FBXL20: variants seen among roughly 807,000 people sequenced by gnomAD.
FBXL20 encodes F-box/LRR-repeat protein 20.
A neutral mutation model predicts 64.0 loss-of-function variants in FBXL20; 11 were observed. The observed-to-expected ratio is 0.17, with a 90% CI of 0.11 to 0.28. FBXL20 has a LOEUF of 0.28. FBXL20 is among the 10% of genes least tolerant of loss of function. FBXL20 has a pLI of 1.00. For missense variants in FBXL20, 303 were observed against 526.2 expected (o/e 0.58, Z 4.15); for synonymous variants, 184 against 189.0 (o/e 0.97, Z 0.22).
At chr17:39,401,645 CA>C (rs1162146502), upstream of FBXL20, 10 of 1,355,654 alleles carry the variant, frequency 7.4e-6, no homozygotes, top group Non-Finnish European at 8.5e-6. Flanking sequence ...AACTTCAACC[CA>C]AAACAAAAAC....
chr17:39,336,858 G>A (rs2047527078), intron 2 of FBXL20, among the ~76,000 whole-genome samples: 1 of 151,378 alleles, frequency 6.6e-6, no homozygotes, highest in African/African-American at 2.4e-5. Flanking sequence ...AAAGTAGAAA[G>A]AATTGAGCAG....
chr17:39,325,529 TGA>T (rs1284113102), intron 2 of FBXL20, among the ~76,000 whole-genome samples: 1 of 152,102 alleles, frequency 6.6e-6, no homozygotes, highest in African/African-American at 2.4e-5. Context: ...GAGAGGGGAA[TGA>T]CAATTTCTAG....
chr17:39,392,859 TA>T (rs1011436666), intron 1 of FBXL20, among the ~76,000 whole-genome samples: 4 of 148,752 alleles, frequency 2.7e-5, no homozygotes, highest in African/African-American at 5.0e-5. Flanking sequence ...CAAAAAAATG[TA>T]AAATTTGCCG....
At chr17:39,354,282 A>C (rs533532212) in intron 1 of FBXL20, among the ~76,000 whole-genome samples, 18 of 152,356 alleles carry the variant, frequency 1.2e-4, no homozygotes, top group Admixed American at 6.5e-4. Context: ...GCTTCTCCTC[A>C]AACAAGCTCT....
chr17:39,293,337 T>G (rs2047057595), intron 6 of FBXL20, among the ~76,000 whole-genome samples: 1 of 151,910 alleles, frequency 6.6e-6, no homozygotes, highest in Admixed American at 6.6e-5. Flanking sequence ...TTCTTCTGCC[T>G]CAGCCTTCCA....
At chr17:39,275,413 A>ATT (rs1206133690) in intron 9 of FBXL20, among the ~76,000 whole-genome samples, 1 of 151,826 alleles carries the variant, frequency 6.6e-6, no homozygotes, top group Non-Finnish European at 1.5e-5. Flanking sequence ...TTATTTATTT[A>ATT]TTTATTTATT....
chr17:39,285,568 C>T lies in FBXL20; in HGVS notation c.404G>A (p.Cys135Tyr). Residue 135 changes from cysteine to tyrosine, a missense_variant, in exon 7 of 15, where the codon TGT becomes TAT. Around this residue, in one of 3 missense-constraint regions of FBXL20, gnomAD observed 246 missense variants for 422.6 expected, o/e 0.58. Transcript: ENST00000264658. ...GGAACAGAACTTGCTAAGGCTAGTA[C>T]ATGTACTGAAAAATGGAAAAAGGAG... is the stretch of plus-strand genomic sequence containing the variant. ...NGCTKTTDAT[C>Y]TSLSKFCSKL... 7 of 1,591,314 alleles carry T rather than the reference C, an allele frequency of 4.4e-6. No individual in the cohort carries two copies. The highest frequency in any genetic ancestry group is 5.1e-6 in the Non-Finnish European group (6 of 1,169,634).
Position 39,399,764 on chromosome 17 carries a change from G to A in FBXL20, c.42+1597C>T, listed in dbSNP as rs569534382. Among the ~76,000 whole-genome samples the A allele has an allele frequency of 4.6e-5, 7 of 152,112 alleles. No homozygotes were observed. In the South Asian group the frequency reaches 1.5e-3, roughly 32 times the overall value. ...ATAGTATGCCACCCCTACAGAGATT[G>A]TAAATTAAAGTATAAGATAATTATA... is the stretch of plus-strand genomic sequence containing the variant. On this transcript the variant is annotated intron_variant, in intron 1 of 14. Transcript: ENST00000264658.
At chr17:39,381,997 G>A (rs2048028346) in intron 1 of FBXL20, among the ~76,000 whole-genome samples, 1 of 150,486 alleles carries the variant, frequency 6.6e-6, no homozygotes, top group African/African-American at 2.4e-5. Context: ...AGGAAGCTGA[G>A]CAGGAGAATC....
At chr17:39,373,166 T>C (rs2047934884) in intron 1 of FBXL20, among the ~76,000 whole-genome samples, 1 of 152,148 alleles carries the variant, frequency 6.6e-6, no homozygotes, top group African/African-American at 2.4e-5. Context: ...TAGAGAGGAA[T>C]GCCTCTTCCC....
chr17:39,286,675 G>A (rs12951142), intron 6 of FBXL20, among the ~76,000 whole-genome samples: 23,493 of 151,766 alleles, frequency 0.15, 2,655 homozygotes, highest in African/African-American at 0.33. Context: ...GCACATGCCT[G>A]TAATCCCAGC....
intron 9 of FBXL20, among the ~76,000 whole-genome samples, chr17:39,279,098 C>T (rs1465426050): frequency 6.6e-6 from 1 of 151,910 alleles, no homozygotes; most frequent in Non-Finnish European, 1.5e-5. Flanking sequence ...GAGCCGAGAT[C>T]GCACCACTGC....
At position 39,286,206 on chromosome 17, in the gene FBXL20, C is replaced by T. The variant is rs541825042; in HGVS notation, c.399-633G>A. ...ACCCACATGTACCATCAGTAAACTT[C>T]AACATTTATCAATACTGTTTTTCTT... On this transcript the variant is annotated intron_variant, in intron 6 of 14. Coordinates refer to ENST00000264658, the MANE Select transcript of FBXL20 (RefSeq NM_032875.3). 4.6e-5 allele frequency among the ~76,000 whole-genome samples: 7 copies of T among 152,244 alleles called. No individual in the cohort carries two copies. The South Asian group carries it at 1.2e-3, about 27-fold the overall frequency.
At chr17:39,362,287 C>T (rs977390097) in intron 1 of FBXL20, among the ~76,000 whole-genome samples, 14 of 150,082 alleles carry the variant, frequency 9.3e-5, no homozygotes, top group African/African-American at 2.2e-4. Flanking sequence ...AGCGAGACTC[C>T]GTCTCAAAAA....
intron 1 of FBXL20, among the ~76,000 whole-genome samples, chr17:39,377,676 T>C (rs2047981234): frequency 1.3e-5 from 2 of 152,054 alleles, no homozygotes. Flanking sequence ...AATTTTTTTG[T>C]ATTTTTTAGT....
At chr17:39,399,696 A>T (rs2144694088) in intron 1 of FBXL20, among the ~76,000 whole-genome samples, 1 of 152,316 alleles carries the variant, frequency 6.6e-6, no homozygotes, top group Admixed American at 6.5e-5. Flanking sequence ...CAAGTTAAAA[A>T]GAAACCTCTT....
intron 2 of FBXL20, among the ~76,000 whole-genome samples, chr17:39,328,376 G>A (rs144881397): frequency 1.3e-5 from 2 of 151,996 alleles, no homozygotes; most frequent in Non-Finnish European, 2.9e-5. Context: ...GTGTAAGAAG[G>A]GTCTGAAACA....
intron 2 of FBXL20, among the ~76,000 whole-genome samples, chr17:39,336,129 G>A (rs2047519712): frequency 6.6e-6 from 1 of 151,988 alleles, no homozygotes; most frequent in Non-Finnish European, 1.5e-5. Context: ...GGGAGGGGAG[G>A]GGAAGGGAGG....
At chr17:39,378,487 T>G (rs1210709603) in intron 1 of FBXL20, among the ~76,000 whole-genome samples, 1 of 152,062 alleles carries the variant, frequency 6.6e-6, no homozygotes, top group Non-Finnish European at 1.5e-5. Flanking sequence ...AAACAGACAT[T>G]TCTACAAAGG....
Sources: allele counts gnomAD v4.1 joint callset (sites outside exome capture counted in the v4.1 genomes callset), GRCh38; gene constraint gnomAD v4.1.1; regional missense constraint gnomAD v4.1.1; transcripts MANE v1.5; gene names NCBI Gene and HGNC (gene_info 2026-07-23, HGNC 2026-07-21).